The following UNC5B variants were observed in gnomAD, a reference collection of about 807,000 sequenced individuals.
UNC5B encodes the protein unc-5 netrin receptor B.
A neutral mutation model predicts 103.7 loss-of-function variants in UNC5B; 56 were observed. The ratio of observed to expected loss-of-function variants is 0.54; its 90% CI spans 0.44 to 0.67. The LOEUF (loss-of-function observed/expected upper bound fraction) is 0.67, where lower values mean the gene tolerates loss of function less well. UNC5B is among the 30% of genes least tolerant of loss of function. The pLI, the probability that UNC5B is intolerant of heterozygous loss-of-function variation, is 0.00. For synonymous variants in UNC5B, 577 were observed against 542.0 expected (o/e 1.06, Z -0.90); for missense variants, 1,194 against 1,284.5 (o/e 0.93, Z 1.08).
At chr10:71,260,068 G>A (rs870485) in intron 1 of UNC5B, among the ~76,000 whole-genome samples, 2,168 of 152,288 alleles carry the variant, frequency 0.014, 198 homozygotes, top group Admixed American at 0.13. Flanking sequence ...AGGTAGGGGG[G>A]GCATGAAGCA....
rs1485311438 is a variant in UNC5B, at chr10:71,212,741, C to G, written c.-245C>G. ...GGAGCCAGGCGAGCGCTCAGAGACC[C>G]GGAGCCAGAGGGGCGCGCCGGAGCC... is the stretch of plus-strand genomic sequence containing the variant. On this transcript the variant is annotated 5_prime_UTR_variant, in exon 1 of 17. Coordinates refer to ENST00000335350, the MANE Select transcript of UNC5B (RefSeq NM_170744.5). 5.9e-6 allele frequency: 2 copies of G among 341,604 alleles called. No homozygotes were observed. The highest frequency in any genetic ancestry group is 1.1e-5 in the Non-Finnish European group (2 of 189,782). 21.2% of individuals were successfully genotyped at this position (341,604 alleles called of 1,614,324 possible).
rs761303672 is a variant in UNC5B at position 71,291,457 on chromosome 10, T to C, written c.1320T>C (p.Ser440=). 10 of 1,612,564 alleles carry C rather than the reference T, an allele frequency of 6.2e-6. No homozygotes were observed. Among genetic ancestry groups the C allele is most frequent in the South Asian group, 3.3e-5 (3 of 90,810 alleles). ...GCAACCCGCAGCTCCTACACCCCTC[T>C]GTGCCTCCTGACCTGACAGCCAGCG... The part of the protein sequence containing the change: ...RPSNPQLLHP[S]VPPDLTASAG... The change falls in exon 10 of 17, where the codon TCT becomes TCC. Residue 440 remains serine, a synonymous_variant. Coordinates refer to ENST00000335350, the MANE Select transcript of UNC5B (RefSeq NM_170744.5).
chr10:71,268,430 CCT>C (rs1464216646), intron 1 of UNC5B, among the ~76,000 whole-genome samples: 1 of 152,200 alleles, frequency 6.6e-6, no homozygotes, highest in Non-Finnish European at 1.5e-5. Flanking sequence ...AGTCATTGCC[CCT>C]GTCTGGCCTC....
chr10:71,277,610 G>T (rs772974147), intron 1 of UNC5B, among the ~76,000 whole-genome samples: 30 of 152,234 alleles, frequency 2.0e-4, no homozygotes, highest in Admixed American at 3.3e-4. Context: ...AGCTCCCTGG[G>T]TTGTGATCAA....
intron 1 of UNC5B, among the ~76,000 whole-genome samples, chr10:71,251,223 G>A (rs1422749210): frequency 6.6e-6 from 1 of 152,202 alleles, no homozygotes; most frequent in Non-Finnish European, 1.5e-5. Flanking sequence ...TTCCAAAGGA[G>A]TTTCCCTGTC....
chr10:71,293,263 T>G lies in UNC5B; in HGVS notation c.1773-142T>G, dbSNP rs1222841440. The G allele has an allele frequency of 1.2e-5, 11 of 916,482 alleles. No individual in the cohort carries two copies. The East Asian group carries it at 2.8e-4, about 23-fold the overall frequency. The allele number at this position is 916,482 out of a possible 1,614,324, so 56.8% of individuals were successfully genotyped here. A position where few individuals can be genotyped will look rare whatever the true frequency, so the allele number is the denominator to read the frequency against. Reference sequence around the variant, plus strand: ...ATTTTCTTTGCCTCCTTTGCCCCCATGACCTCTGGGAATGCAGAGCCCTGA... The same window carrying G: ...ATTTTCTTTGCCTCCTTTGCCCCCAGGACCTCTGGGAATGCAGAGCCCTGA... On this transcript the variant is annotated intron_variant, in intron 11 of 16. Coordinates refer to ENST00000335350, the MANE Select transcript of UNC5B (RefSeq NM_170744.5).
intron 5 of UNC5B, 58 bp from the exon 6 acceptor site, chr10:71,287,540 G>C: frequency 2.0e-6 from 3 of 1,527,130 alleles, no homozygotes; most frequent in East Asian, 2.3e-5. Flanking sequence ...GGACGGGTTT[G>C]GGGGAGGGCA....
intron 1 of UNC5B, among the ~76,000 whole-genome samples, chr10:71,219,773 A>G (rs1564703729): frequency 1.3e-5 from 2 of 152,230 alleles, no homozygotes. Context: ...GTTAAGTGGC[A>G]TTCAGAGCAT....
chr10:71,245,834 G>A (rs768714519), intron 1 of UNC5B, among the ~76,000 whole-genome samples: 4 of 152,160 alleles, frequency 2.6e-5, no homozygotes, highest in African/African-American at 4.8e-5. Context: ...ATTGTGACCC[G>A]GCTTGTCATC....
At chr10:71,259,462 A>G (rs554795261) in intron 1 of UNC5B, among the ~76,000 whole-genome samples, 1 of 152,270 alleles carries the variant, frequency 6.6e-6, no homozygotes, top group East Asian at 1.9e-4. Flanking sequence ...TAGTTTATGA[A>G]GCACTTCTGC....
intron 2 of UNC5B, among the ~76,000 whole-genome samples, chr10:71,284,188 G>A (rs984231326): frequency 6.6e-5 from 10 of 152,098 alleles, no homozygotes; most frequent in East Asian, 1.9e-4. Flanking sequence ...GGCTTTCCTC[G>A]GGAAGTGAGG....
chr10:71,271,922 G>A (rs1054070993), intron 1 of UNC5B, among the ~76,000 whole-genome samples: 8 of 152,084 alleles, frequency 5.3e-5, no homozygotes, highest in Admixed American at 3.3e-4. Flanking sequence ...GGCGTCCCCC[G>A]AGCCCGCCAG....
intron 1 of UNC5B, among the ~76,000 whole-genome samples, chr10:71,264,076 G>A (rs1397388682): frequency 6.6e-6 from 1 of 152,184 alleles, no homozygotes; most frequent in East Asian, 1.9e-4. Context: ...AGTCAGAATG[G>A]GCATCCCTAT....
intron 8 of UNC5B, among the ~76,000 whole-genome samples, 182 bp downstream of exon 8, chr10:71,289,172 C>G (rs996374145): frequency 2.0e-5 from 3 of 152,180 alleles, no homozygotes; most frequent in Non-Finnish European, 4.4e-5. Flanking sequence ...ACAGGCAAAC[C>G]CTTGGCTGAC....
At chr10:71,239,594 G>A (rs949306430) in intron 1 of UNC5B, among the ~76,000 whole-genome samples, 6 of 152,158 alleles carry the variant, frequency 3.9e-5, no homozygotes, top group African/African-American at 1.4e-4. Context: ...CAGCGCTGAG[G>A]TTAGCTTCTG....
At chr10:71,236,748 C>T (rs1843782899) in intron 1 of UNC5B, among the ~76,000 whole-genome samples, 1 of 152,218 alleles carries the variant, frequency 6.6e-6, no homozygotes, top group South Asian at 2.1e-4. Context: ...CTCTGCTTCT[C>T]CTCTGGGAGA....
At chr10:71,215,849 GTGCA>G (rs1843320089) in intron 1 of UNC5B, among the ~76,000 whole-genome samples, 1 of 151,558 alleles carries the variant, frequency 6.6e-6, no homozygotes, top group African/African-American at 2.4e-5. Context: ...GTGTGCTCGC[GTGCA>G]TGCGCCTGTG....
In UNC5B at chr10:71,277,708, G is replaced by A. The variant is rs569627874; in HGVS notation, c.80-2113G>A. Reference sequence around the variant, plus strand: ...AGTGAATGTATCCCTGTACCTGGCAGTGGGAAGCAGGTGTCAGGGAGCCCT... The same window carrying A: ...AGTGAATGTATCCCTGTACCTGGCAATGGGAAGCAGGTGTCAGGGAGCCCT... On this transcript the variant is annotated intron_variant, in intron 1 of 16. Transcript: ENST00000335350. 1.2e-4 allele frequency among the ~76,000 whole-genome samples: 19 copies of A among 152,356 alleles called. 2 individuals carry two copies. The East Asian group carries it at 3.5e-3, about 28-fold the overall frequency.
intron 3 of UNC5B, 150 bp downstream of exon 3, chr10:71,285,013 C>T: frequency 8.2e-7 from 1 of 1,212,742 alleles, no homozygotes; most frequent in Non-Finnish European, 1.1e-6. Context: ...TGGATGCCAG[C>T]TCAGAGAGGG....
Sources: allele counts gnomAD v4.1 joint callset (sites outside exome capture counted in the v4.1 genomes callset), GRCh38; gene constraint gnomAD v4.1.1; transcripts MANE v1.5; gene names NCBI Gene and HGNC (gene_info 2026-07-23, HGNC 2026-07-21).